The following PM20D1 variants were observed in gnomAD, a reference collection of about 807,000 sequenced individuals.
PM20D1 encodes the protein peptidase M20 domain containing 1.
Under a neutral mutation model 53.8 loss-of-function variants are expected in PM20D1, and 53 were observed. The observed-to-expected ratio is 0.98, with a 90% CI of 0.79 to 1.24. The LOEUF is 1.24. Ranked by LOEUF, PM20D1 falls within the 50% of genes most tolerant of loss-of-function variation. The pLI, the probability that PM20D1 is intolerant of heterozygous loss-of-function variation, is 0.00. For missense variants in PM20D1, 564 were observed against 616.8 expected (o/e 0.91, Z 0.91); for synonymous variants, 239 against 241.3 (o/e 0.99, Z 0.09).
At chr1:205,843,275 C>A (rs796379176) in intron 6 of PM20D1, among the ~76,000 whole-genome samples, 1 of 152,300 alleles carries the variant, frequency 6.6e-6, no homozygotes, top group African/African-American at 2.4e-5. Flanking sequence ...CCTGACCTAG[C>A]TTCTGCCTGT....
chr1:205,832,903 T>G, intron 10 of PM20D1, 137 bp from the exon 11 acceptor site: 1 of 994,798 alleles, frequency 1.0e-6, no homozygotes, highest in Middle Eastern at 3.1e-4. Context: ...TTTTAAGCAC[T>G]GGGACTTCAA....
At chr1:205,846,634 C>T (rs1656991955) in intron 2 of PM20D1, among the ~76,000 whole-genome samples, 1 of 152,148 alleles carries the variant, frequency 6.6e-6, no homozygotes, top group Non-Finnish European at 1.5e-5. Context: ...TAAAAAGCCA[C>T]ACATCTAGTG....
At chr1:205,848,259 A>C (rs1284826427) in intron 1 of PM20D1, among the ~76,000 whole-genome samples, 6 of 152,124 alleles carry the variant, frequency 3.9e-5, no homozygotes, top group African/African-American at 1.2e-4. Flanking sequence ...CTAAGATTGG[A>C]GGGAAGTGGA....
At position 205,844,160 on chromosome 1, in the gene PM20D1, G is replaced by C. The variant is rs754157326; in HGVS notation, c.634C>G (p.Leu212Val). ...SALLQSRGVQ[L>V]AFIVDEGGFI... ...CCCCCCTCGTCCACAATGAAGGCTA[G>C]CTGGACGCCCCTTGACTGTAGCAGG... Residue 212 changes from leucine to valine, a missense_variant, in exon 5 of 13, where the codon CTA becomes GTA. Physicochemically the swap from Leu to Val is conservative, Grantham distance 32 (BLOSUM62 1). Transcript: ENST00000367136. 6.2e-7 allele frequency: 1 copy of C among 1,614,042 alleles called. No individual in the cohort carries two copies. Among genetic ancestry groups the C allele is most frequent in the Non-Finnish European group, 8.5e-7 (1 of 1,179,966 alleles).
At chr1:205,833,368 C>A (rs919610560) in intron 10 of PM20D1, among the ~76,000 whole-genome samples, 1 of 152,244 alleles carries the variant, frequency 6.6e-6, no homozygotes, top group Non-Finnish European at 1.5e-5. Flanking sequence ...ATGTGATGAC[C>A]TGGCTTCAGC....
chr1:205,840,330 A>G lies in PM20D1; in HGVS notation c.1045-7T>C. 1.2e-6 allele frequency: 2 copies of G among 1,612,438 alleles called. No individual in the cohort carries two copies. The highest frequency in any genetic ancestry group is 1.7e-6 in the Non-Finnish European group (2 of 1,179,038). On this transcript the variant is annotated splice_polypyrimidine_tract_variant and splice_region_variant and intron_variant, in intron 9 of 12. Coordinates refer to ENST00000367136, the MANE Select transcript of PM20D1 (RefSeq NM_152491.5). ...CTGGGGGGATGACATTGAACTAGAG[A>G]GAGAAGCACAAAACCCTGGCTTGAG...
rs368241967 is a variant in PM20D1 at position 205,844,150 on chromosome 1, A to G, written c.644T>C (p.Ile215Thr). 1.2e-5 allele frequency: 20 copies of G among 1,614,066 alleles called. No homozygotes were observed. The highest frequency in any genetic ancestry group is 1.7e-4 in the Middle Eastern group (1 of 6,058). The stretch of plus-strand genomic sequence containing the variant: ...CAAGATGAAGCCCCCCTCGTCCACA[A>G]TGAAGGCTAGCTGGACGCCCCTTGA... The part of the protein sequence containing the change: ...LQSRGVQLAF[I>T]VDEGGFILDD... The change falls in exon 5 of 13, where the codon ATT becomes ACT. Residue 215 changes from isoleucine to threonine, a missense_variant. By Grantham distance (89) the Ile-to-Thr change is moderately conservative. Transcript: ENST00000367136.
chr1:205,846,818 C>T (rs1656997827), intron 2 of PM20D1, among the ~76,000 whole-genome samples: 2 of 151,894 alleles, frequency 1.3e-5, no homozygotes, highest in Non-Finnish European at 2.9e-5. Flanking sequence ...TGTGGATACC[C>T]GAAAACCGAA....
At chr1:205,828,841 C>G in intron 12 of PM20D1, 98 bp from the exon 13 acceptor site, 2 of 1,475,874 alleles carry the variant, frequency 1.4e-6, no homozygotes, top group South Asian at 1.3e-5. Flanking sequence ...CTCACCAACC[C>G]GGAAACTACT....
chr1:205,846,560 T>C (rs1656989991), intron 2 of PM20D1, among the ~76,000 whole-genome samples: 2 of 152,146 alleles, frequency 1.3e-5, no homozygotes, highest in Non-Finnish European at 2.9e-5. Context: ...ATTAAATTAG[T>C]AGGCCTCATT....
chr1:205,847,006 C>CTTT lies in PM20D1; in HGVS notation c.256+876_256+878dup, dbSNP rs778538865. Among the ~76,000 whole-genome samples, 54 of 44,668 alleles carry CTTT rather than the reference C, an allele frequency of 1.2e-3. 4 individuals carry two copies. The highest frequency in any genetic ancestry group is 1.9e-3 in the African/African-American group (21 of 10,968). 29.3% of individuals were successfully genotyped at this position (44,668 alleles called of 152,430 possible). On this transcript the variant is annotated intron_variant, in intron 2 of 12. Transcript: ENST00000367136. The stretch of plus-strand genomic sequence containing the variant: ...TTTTTGTTTTTTCCTTCCTTCCTTT[C>CTTT]TTTTTTTTTTTTTTTTTTTTTTTTT...
intron 11 of PM20D1, among the ~76,000 whole-genome samples, chr1:205,832,065 T>C (rs1332983339): frequency 3.9e-5 from 6 of 152,142 alleles, no homozygotes; most frequent in Admixed American, 2.6e-4. Context: ...CCTATTCCAC[T>C]CTTAGATTGG....
At chr1:205,845,636 T>A (rs994916510) in intron 2 of PM20D1, 79 bp from the exon 3 acceptor site, 2 of 1,225,874 alleles carry the variant, frequency 1.6e-6, no homozygotes, top group African/African-American at 3.0e-5. Context: ...TGCTTCCTGT[T>A]CCTTTATTTA....
At chr1:205,846,558 AG>A (rs1449554127) in intron 2 of PM20D1, among the ~76,000 whole-genome samples, 8 of 152,202 alleles carry the variant, frequency 5.3e-5, no homozygotes, top group South Asian at 2.1e-4. Context: ...ATATTAAATT[AG>A]TAGGCCTCAT....
At chr1:205,845,954 A>T (rs577644826) in intron 2 of PM20D1, among the ~76,000 whole-genome samples, 174 of 152,060 alleles carry the variant, frequency 1.1e-3, no homozygotes, top group African/African-American at 3.3e-3. Flanking sequence ...GTGGTGGCTC[A>T]TGCCTGTAAT....
chr1:205,829,676 C>T (rs923928732), intron 12 of PM20D1, among the ~76,000 whole-genome samples: 1 of 152,226 alleles, frequency 6.6e-6, no homozygotes, highest in Non-Finnish European at 1.5e-5. Context: ...TATTTTCACT[C>T]TGTCTACAGA....
chr1:205,849,111 C>A (rs1231099470), intron 1 of PM20D1, among the ~76,000 whole-genome samples: 2 of 152,220 alleles, frequency 1.3e-5, no homozygotes, highest in Non-Finnish European at 2.9e-5. Flanking sequence ...TTGGTCCCTG[C>A]ATCTGCTTCT....
At chr1:205,837,180 G>A (rs1357524770) in intron 10 of PM20D1, among the ~76,000 whole-genome samples, 1 of 152,196 alleles carries the variant, frequency 6.6e-6, no homozygotes. Context: ...TCTCCCAAAT[G>A]CTTAGAAGAA....
At chr1:205,846,927 C>T in intron 2 of PM20D1, among the ~76,000 whole-genome samples, 1 of 151,434 alleles carries the variant, frequency 6.6e-6, no homozygotes, top group East Asian at 1.9e-4. Flanking sequence ...AGACTTGCAG[C>T]CTTTTCAGCC....
Sources: gnomAD v4.1 joint callset for allele counts (sites outside exome capture counted in the v4.1 genomes callset) on GRCh38, gnomAD v4.1.1 for gene constraint, MANE v1.5 for transcripts, NCBI Gene and HGNC (gene_info 2026-07-23, HGNC 2026-07-21) for gene names.